Variants in MCM10 observed in about 807,000 individuals in gnomAD.
The protein encoded by MCM10 is protein MCM10 homolog.
MCM10 carries 91 observed loss-of-function variants against 109.9 expected under a neutral mutation model. The ratio of observed to expected loss-of-function variants is 0.83; its 90% confidence interval spans 0.70 to 0.99. The LOEUF (loss-of-function observed/expected upper bound fraction) is 0.99. MCM10 is among the 50% of genes least tolerant of loss of function. The pLI, the probability that MCM10 is intolerant of heterozygous loss-of-function variation, is 0.00. For synonymous variants in MCM10, 380 were observed against 387.2 expected, an observed-to-expected ratio of 0.98 and a Z score of 0.22; for missense variants, 1,077 against 1,061.2, an observed-to-expected ratio of 1.01 and a Z score of -0.21.
chr10:13,188,767 G>A, intron 9 of MCM10, 114 bp from the exon 10 acceptor site: 1 of 896,218 alleles, frequency 1.1e-6, no homozygotes, highest in Non-Finnish European at 1.9e-6. Flanking sequence ...AGGTCAGCAG[G>A]GAGGACTCTG....
chr10:13,194,965 C>T, intron 13 of MCM10, 76 bp from the exon 14 acceptor site: 2 of 1,377,348 alleles, frequency 1.5e-6, no homozygotes, highest in African/African-American at 1.4e-5. Flanking sequence ...CCTGCCGCCT[C>T]CCAGTCCACT....
At position 13,209,344 on chromosome 10, in the gene MCM10, G is replaced by A; in HGVS notation, c.*34G>A. 1 of 1,529,484 alleles carries A rather than the reference G, an allele frequency of 6.5e-7. No homozygotes were observed. Among genetic ancestry groups the A allele is most frequent in the Non-Finnish European group, 9.0e-7 (1 of 1,105,368 alleles). The allele number at this position is 1,529,484 out of a possible 1,614,324, so 94.7% of individuals were successfully genotyped here. A position where few individuals can be genotyped will look rare whatever the true frequency, so the allele number is the denominator to read the frequency against. On this transcript the variant is annotated 3_prime_UTR_variant, in exon 20 of 20. Transcript: ENST00000378714. ...TCAGACATTTTCCCACAGACTTCCT[G>A]GCCTCCTGTGACTCTGGAAAGCAAA... is the stretch of plus-strand genomic sequence containing the variant.
rs1163190483 is a variant in MCM10 at position 13,188,898 on chromosome 10, T to C, written c.1233T>C (p.Cys411=). 2 of 1,614,126 alleles carry C rather than the reference T, an allele frequency of 1.2e-6. No homozygotes were observed. Among genetic ancestry groups the C allele is most frequent in the African/African-American group, 2.7e-5 (2 of 75,062 alleles). The change falls in exon 10 of 20, where the codon TGT becomes TGC. Residue 411 remains cysteine, a synonymous_variant. Transcript: ENST00000378714. The stretch of plus-strand genomic sequence containing the variant: ...TTTTGCAGCGTGACTGTGAGTACTG[T>C]CAGTACCATGTCCAGGCTCAGTACA... ...QTVNLRDCEY[C]QYHVQAQYKK...
At chr10:13,205,359 C>G (rs1281032734) in intron 18 of MCM10, among the ~76,000 whole-genome samples, 1 of 152,054 alleles carries the variant, frequency 6.6e-6, no homozygotes, top group Non-Finnish European at 1.5e-5. Context: ...AAAGACATGA[C>G]TTCATTCTTT....
chr10:13,162,909 C>A (rs1229607623), intron 1 of MCM10, among the ~76,000 whole-genome samples: 2 of 152,124 alleles, frequency 1.3e-5, no homozygotes, highest in Non-Finnish European at 2.9e-5. Context: ...GAAACCCCAT[C>A]TCTACTAAAA....
chr10:13,175,721 A>G, intron 6 of MCM10, 40 bp downstream of exon 6: 2 of 1,443,168 alleles, frequency 1.4e-6, no homozygotes, highest in Non-Finnish European at 1.9e-6. Flanking sequence ...GCCACGGCAT[A>G]GCTTTTTGTG....
chr10:13,171,782 C>T (rs1390124745), intron 3 of MCM10, among the ~76,000 whole-genome samples: 5 of 148,734 alleles, frequency 3.4e-5, no homozygotes, highest in African/African-American at 7.4e-5. Flanking sequence ...TTTTTTTTTC[C>T]GAGACAGATT....
At chr10:13,165,526 T>A (rs1316513821) in intron 2 of MCM10, among the ~76,000 whole-genome samples, 1 of 152,174 alleles carries the variant, frequency 6.6e-6, no homozygotes, top group East Asian at 1.9e-4. Context: ...GGATACCTGT[T>A]CTCTAAGAAA....
At chr10:13,174,293 C>G (rs1773262655) in intron 5 of MCM10, among the ~76,000 whole-genome samples, 1 of 151,898 alleles carries the variant, frequency 6.6e-6, no homozygotes, top group Non-Finnish European at 1.5e-5. Context: ...CCATGCCCAG[C>G]TAATGTTGTA....
Position 13,192,338 on chromosome 10 carries a change from C to T in MCM10, c.1600C>T (p.Gln534Ter). ...GACGTGTGGAGCCAGGAACTTAAAA[C>T]AACATTTAGCCAAAGCCACAGCTTC... ...LPTCGARNLK[Q>*]HLAKATASGI... Residue 534 changes from glutamine to a stop codon, truncating the protein, a stop_gained, in exon 12 of 20, where the codon CAA (glutamine) becomes TAA (stop). Coordinates refer to ENST00000378714, the MANE Select transcript of MCM10 (RefSeq NM_018518.5). LOFTEE classifies it high-confidence loss of function. The T allele has an allele frequency of 4.3e-6, 7 of 1,610,502 alleles. No homozygotes were observed. Among genetic ancestry groups the T allele is most frequent in the Non-Finnish European group, 5.1e-6 (6 of 1,178,574 alleles).
intron 8 of MCM10, among the ~76,000 whole-genome samples, chr10:13,183,860 G>T (rs562112474): frequency 1.4e-3 from 212 of 151,852 alleles, no homozygotes; most frequent in Non-Finnish European, 1.8e-3. Flanking sequence ...AATTTTTGTG[G>T]TTTTTTTGTG....
chr10:13,165,519 T>C (rs1233094503), intron 2 of MCM10, among the ~76,000 whole-genome samples: 2 of 152,202 alleles, frequency 1.3e-5, no homozygotes, highest in South Asian at 2.1e-4. Flanking sequence ...GGTGAATGGA[T>C]ACCTGTTCTC....
intron 17 of MCM10, chr10:13,201,762 C>G: frequency 2.0e-6 from 1 of 510,468 alleles, no homozygotes; most frequent in Non-Finnish European, 3.5e-6. Flanking sequence ...CTCATTTGAC[C>G]ACAGCCCCCA....
rs765453645 is a variant in MCM10, at chr10:13,180,438, C to A, written c.765-4C>A. On this transcript the variant is annotated splice_polypyrimidine_tract_variant and splice_region_variant and intron_variant, in intron 6 of 19. Coordinates refer to ENST00000378714, the MANE Select transcript of MCM10 (RefSeq NM_018518.5). ...AATTACTAATCGCTGGTTTCTTAAC[C>A]CAGGCGGCCTCGAGTATCCTCCACA... The A allele has an allele frequency of 6.8e-6, 11 of 1,605,982 alleles. No homozygotes were observed. The highest frequency in any genetic ancestry group is 1.1e-5 in the South Asian group (1 of 90,238).
Position 13,171,137 on chromosome 10 carries a change from G to A in MCM10, c.223G>A (p.Ala75Thr), listed in dbSNP as rs1375709071. The change falls in exon 3 of 20, where the codon GCC (alanine) becomes ACC (threonine). Residue 75 changes from alanine (A) to threonine (T), a missense_variant. Ala to Thr is a moderately conservative substitution (Grantham distance 58). Coordinates refer to ENST00000378714, the MANE Select transcript of MCM10 (RefSeq NM_018518.5). Reference protein sequence around the residue: ...GETRDEKENLATLFGDMEDLT... With the variant: ...GETRDEKENLTTLFGDMEDLT... ...GACAAGAGACGAAAAGGAAAATCTG[G>A]CCACTCTCTTTGGAGATATGGAGGA... The A allele has an allele frequency of 1.9e-6, 3 of 1,614,078 alleles. No individual in the cohort carries two copies. In the African/African-American group the frequency reaches 4.0e-5, roughly 22 times the overall value.
intron 3 of MCM10, among the ~76,000 whole-genome samples, chr10:13,171,649 TC>T (rs1023833549): frequency 6.6e-6 from 1 of 152,240 alleles, no homozygotes; most frequent in Non-Finnish European, 1.5e-5. Context: ...CTTTTCTCAT[TC>T]CTGGCATCTC....
chr10:13,187,615 G>A (rs1834291795), intron 9 of MCM10, among the ~76,000 whole-genome samples: 1 of 152,170 alleles, frequency 6.6e-6, no homozygotes, highest in Non-Finnish European at 1.5e-5. Context: ...GTCCTCATCA[G>A]CACCTGTTAC....
chr10:13,172,640 G>A lies in MCM10; in HGVS notation c.467G>A (p.Arg156Gln), dbSNP rs369328380. Residue 156 changes from arginine (R) to glutamine (Q), a missense_variant, in exon 5 of 20, where the codon CGG becomes CAG. Arg to Gln is a conservative substitution (Grantham distance 43, BLOSUM62 1). Transcript: ENST00000378714. The surrounding 1 kb of genome is among the most constrained non-coding windows in gnomAD (Gnocchi z 5.2). ...TTTGATTAAGTAGAGAAGTCTCCCC[G>A]GCCACCTCTTAAGGAGAGGAGAGTT... ...RLQKSPEKSP[R>Q]PPLKERRVQR... The A allele has an allele frequency of 2.2e-5, 35 of 1,613,904 alleles. No homozygotes were observed. In the East Asian group the frequency reaches 5.8e-4, roughly 27 times the overall value.
chr10:13,178,495 G>T (rs781055121), intron 6 of MCM10, among the ~76,000 whole-genome samples: 1 of 152,218 alleles, frequency 6.6e-6, no homozygotes, highest in Non-Finnish European at 1.5e-5. Flanking sequence ...TTGTTGAAGA[G>T]ACTGTCCTTT....
Sources: allele counts gnomAD v4.1 joint callset (sites outside exome capture counted in the v4.1 genomes callset), GRCh38; gene constraint gnomAD v4.1.1; non-coding constraint Gnocchi (gnomAD v3.1); transcripts MANE v1.5; gene names NCBI Gene and HGNC (gene_info 2026-07-23, HGNC 2026-07-21).